Variants in SGCD observed in about 807,000 individuals in gnomAD.
The protein encoded by SGCD is sarcoglycan delta, also known as delta-sarcoglycan.
SGCD carries 18 observed loss-of-function variants against 36.6 expected under a neutral mutation model. The observed-to-expected ratio is 0.49, with a 90% CI of 0.34 to 0.73. The LOEUF (loss-of-function observed/expected upper bound fraction) is 0.73. Ranked by LOEUF, SGCD falls within the 30% of genes least tolerant of loss-of-function variation. The pLI, the probability that SGCD is intolerant of heterozygous loss-of-function variation, is 0.01. For synonymous variants in SGCD, 133 were observed against 130.6 expected (o/e 1.02, Z -0.12); for missense variants, 387 against 346.7 (o/e 1.12, Z -0.92).
chr5:156,634,859 A>G (rs1762765755), intron 6 of SGCD, among the ~76,000 whole-genome samples: 1 of 152,142 alleles, frequency 6.6e-6, no homozygotes, highest in African/African-American at 2.4e-5. Context: ...ACACAAATTG[A>G]TGTTTTAAAA....
At chr5:155,811,377 GA>G in the SGCD span, among the ~76,000 whole-genome samples, 1 of 152,084 alleles carries the variant, frequency 6.6e-6, no homozygotes, top group African/African-American at 2.4e-5. Context: ...GGTGTTTGTA[GA>G]ATAAACCTGG....
At chr5:156,646,447 A>G (rs940964271) in intron 6 of SGCD, among the ~76,000 whole-genome samples, 7 of 152,190 alleles carry the variant, frequency 4.6e-5, no homozygotes, top group Non-Finnish European at 8.8e-5. Flanking sequence ...GCTATATCCC[A>G]TATAAGACCT....
chr5:155,963,880 A>G (rs1004723506), intron 1 of SGCD, among the ~76,000 whole-genome samples: 2 of 152,118 alleles, frequency 1.3e-5, no homozygotes, highest in African/African-American at 4.8e-5. Context: ...AATCACCTGA[A>G]ATTGAAGCAT....
intron 1 of SGCD, among the ~76,000 whole-genome samples, chr5:155,960,601 C>T (rs1318236811): frequency 2.0e-5 from 3 of 152,074 alleles, no homozygotes; most frequent in South Asian, 2.1e-4. Flanking sequence ...AAATTAAATG[C>T]ACCTGAGAAA....
intron 3 of SGCD, among the ~76,000 whole-genome samples, chr5:156,233,776 T>C (rs1365549345): frequency 2.6e-5 from 4 of 152,108 alleles, no homozygotes; most frequent in East Asian, 3.9e-4. Flanking sequence ...TCCCAGTTCA[T>C]TGGGAAGCTG....
At chr5:155,873,076 G>C (rs165953) in intron 1 of SGCD, among the ~76,000 whole-genome samples, 16,793 of 151,986 alleles carry the variant, frequency 0.11, 1,003 homozygotes, top group South Asian at 0.2. Flanking sequence ...GCCCCTTCAG[G>C]TACCTGATCA....
intron 7 of SGCD, among the ~76,000 whole-genome samples, chr5:156,754,989 A>G (rs1232860701): frequency 1.3e-5 from 2 of 152,216 alleles, no homozygotes; most frequent in African/African-American, 4.8e-5. Context: ...GTTCATTGGG[A>G]AAAAGGAAAA....
At chr5:156,757,315 A>G (rs1757377314) in intron 7 of SGCD, among the ~76,000 whole-genome samples, 1 of 148,474 alleles carries the variant, frequency 6.7e-6, no homozygotes, top group South Asian at 2.2e-4. Context: ...GATTAATTAT[A>G]CCAATAAAAC....
chr5:156,202,862 A>G (rs1764185718), intron 3 of SGCD, among the ~76,000 whole-genome samples: 1 of 151,028 alleles, frequency 6.6e-6, no homozygotes, highest in African/African-American at 2.4e-5. Flanking sequence ...GCCTCTTGTG[A>G]CATAACAGTG....
intron 7 of SGCD, among the ~76,000 whole-genome samples, chr5:156,719,063 G>A (rs1033295477): frequency 3.9e-5 from 6 of 151,978 alleles, no homozygotes; most frequent in Admixed American, 2.0e-4. Context: ...ATACAAATAT[G>A]CACACACACA....
chr5:156,432,856 C>T (rs1223864779), intron 3 of SGCD, among the ~76,000 whole-genome samples: 1 of 152,172 alleles, frequency 6.6e-6, no homozygotes, highest in Admixed American at 6.5e-5. Context: ...AGCCTGCACA[C>T]AGAACTTAGA....
the SGCD span, among the ~76,000 whole-genome samples, chr5:155,742,460 T>C: frequency 6.6e-6 from 1 of 152,172 alleles, no homozygotes; most frequent in African/African-American, 2.4e-5. Flanking sequence ...AGACTGAGAT[T>C]GATAAACTAT....
At chr5:156,115,958 G>C (rs910294699) in intron 1 of SGCD, among the ~76,000 whole-genome samples, 2 of 152,062 alleles carry the variant, frequency 1.3e-5, no homozygotes, top group African/African-American at 4.8e-5. Context: ...CTTCCATCAG[G>C]AGGCAATGAT....
At chr5:156,640,979 T>A (rs1238940290) in intron 6 of SGCD, among the ~76,000 whole-genome samples, 1 of 152,230 alleles carries the variant, frequency 6.6e-6, no homozygotes, top group Non-Finnish European at 1.5e-5. Context: ...TTTCAGAAGC[T>A]GACAGCCACC....
At chr5:156,039,372 C>T (rs1759581183) in intron 1 of SGCD, among the ~76,000 whole-genome samples, 1 of 151,984 alleles carries the variant, frequency 6.6e-6, no homozygotes, top group African/African-American at 2.4e-5. Context: ...CCCACCCAGA[C>T]CCCTCAGCAT....
chr5:156,740,654 T>C (rs1398504787), intron 7 of SGCD, among the ~76,000 whole-genome samples: 1 of 152,236 alleles, frequency 6.6e-6, no homozygotes, highest in Non-Finnish European at 1.5e-5. Flanking sequence ...CTAAGCATGC[T>C]GTTCTCATCA....
At chr5:156,321,442 A>C (rs1225105476) in intron 3 of SGCD, among the ~76,000 whole-genome samples, 1 of 152,174 alleles carries the variant, frequency 6.6e-6, no homozygotes, top group Non-Finnish European at 1.5e-5. Flanking sequence ...CAAATAAATA[A>C]ATAAATAAAC....
chr5:156,269,500 A>C (rs12188042), intron 3 of SGCD, among the ~76,000 whole-genome samples: 12,028 of 85,428 alleles, frequency 0.14, 1,721 homozygotes, highest in Non-Finnish European at 0.16. Context: ...AAAAAAAAAA[A>C]AAAAAAAAAA....
intron 3 of SGCD, among the ~76,000 whole-genome samples, chr5:156,249,392 A>G (rs1765519513): frequency 6.6e-6 from 1 of 152,222 alleles, no homozygotes; most frequent in South Asian, 2.1e-4. Flanking sequence ...GAGGACAGAA[A>G]AATATGTGGG....
Sources: gnomAD v4.1 joint callset for allele counts (sites outside exome capture counted in the v4.1 genomes callset) on GRCh38, gnomAD v4.1.1 for gene constraint, MANE v1.5 for transcripts, NCBI Gene and HGNC (gene_info 2026-07-23, HGNC 2026-07-21) for gene names.